The following ABCG1 variants were observed in gnomAD, a reference collection of about 807,000 sequenced individuals.
The protein encoded by ABCG1 is ATP binding cassette subfamily G member 1, also known as ATP-binding cassette sub-family G member 1.
A neutral mutation model predicts 69.2 loss-of-function variants in ABCG1; 29 were observed. The ratio of observed to expected loss-of-function variants is 0.42; its 90% CI spans 0.31 to 0.57. The LOEUF (loss-of-function observed/expected upper bound fraction) is 0.57, where lower values mean the gene tolerates loss of function less well. ABCG1 is among the 20% of genes least tolerant of loss of function. The probability of loss-of-function intolerance (pLI) is 0.15; values close to 1 mark genes in which losing one functional copy is unlikely to be tolerated. For synonymous variants in ABCG1, 370 were observed against 374.8 expected (o/e 0.99, Z 0.15); for missense variants, 718 against 898.1 (o/e 0.80, Z 2.56).
Position 42,220,371 on chromosome 21 carries a change from A to G in ABCG1, c.42+1067A>G, listed in dbSNP as rs56351536. 2.3e-3 allele frequency among the ~76,000 whole-genome samples: 352 copies of G among 152,078 alleles called. 2 individuals carry two copies. The highest frequency in any genetic ancestry group is 7.9e-3 in the African/African-American group (326 of 41,486). On this transcript the variant is annotated intron_variant, in intron 1 of 14. Transcript: ENST00000398449. ...TTAGCATCCTGTATTTGAAGTCAGC[A>G]GGGCTCAGCAGGATTTGACCGACAG... is the stretch of plus-strand genomic sequence containing the variant.
Position 42,271,201 on chromosome 21 carries a change from C to T in ABCG1, c.404+14C>T. The stretch of plus-strand genomic sequence containing the variant: ...GGCTGGATACAGGTGAGCAGCCCTG[C>T]CCAGGGCGCAAAGTTCTCTCCCGGG... On this transcript the variant is annotated intron_variant, in intron 3 of 14. Coordinates refer to ENST00000398449, the MANE Select transcript of ABCG1 (RefSeq NM_016818.3). 6.7e-7 allele frequency: 1 copy of T among 1,499,042 alleles called. No homozygotes were observed. The highest frequency in any genetic ancestry group is 8.9e-7 in the Non-Finnish European group (1 of 1,122,388). 92.9% of individuals were successfully genotyped at this position (1,499,042 alleles called of 1,614,324 possible). A position where few individuals can be genotyped will look rare whatever the true frequency, so the allele number is the denominator to read the frequency against.
Position 42,296,233 on chromosome 21 carries a change from C to T in ABCG1, c.1842C>T (p.Asp614=), listed in dbSNP as rs73364654. 371 of 1,614,118 alleles carry T rather than the reference C, an allele frequency of 2.3e-4. 1 individual carries two copies. In the African/African-American group the frequency reaches 4.1e-3, roughly 18 times the overall value. ...LDREDLHCDI[D]ETCHFQKSEA... The stretch of plus-strand genomic sequence containing the variant: ...GGGAAGATCTGCACTGTGACATCGA[C>T]GAGACGTGCCACTTCCAGAAGTCGG... The change falls in exon 15 of 15, where the codon GAC becomes GAT. Residue 614 remains aspartate (D), a synonymous_variant. Transcript: ENST00000398449. The surrounding 1 kb of genome is among the most constrained non-coding windows in gnomAD (Gnocchi z 5.4).
chr21:42,228,698 G>A (rs1431860835), intron 2 of ABCG1, among the ~76,000 whole-genome samples: 2 of 152,244 alleles, frequency 1.3e-5, no homozygotes, highest in African/African-American at 4.8e-5. Flanking sequence ...CAGCAGGGAA[G>A]CAGAGCTCTT....
In ABCG1 at chr21:42,288,124, A is replaced by G. The variant is rs1427139047; in HGVS notation, c.1122+87A>G. The G allele has an allele frequency of 1.9e-6, 3 of 1,612,012 alleles. No homozygotes were observed. The highest frequency in any genetic ancestry group is 2.5e-6 in the Non-Finnish European group (3 of 1,178,242). ...GGGGAGGCTGCACGTGGCACCGTGCACTGCTGCATGAGAGCTCTTTCCGAG... is the reference window on the plus strand; with the variant it reads ...GGGGAGGCTGCACGTGGCACCGTGCGCTGCTGCATGAGAGCTCTTTCCGAG... On this transcript the variant is annotated intron_variant, in intron 9 of 14. Coordinates refer to ENST00000398449, the MANE Select transcript of ABCG1 (RefSeq NM_016818.3). The surrounding 1 kb of genome is among the most constrained non-coding windows in gnomAD (Gnocchi z 4.8).
intron 2 of ABCG1, among the ~76,000 whole-genome samples, chr21:42,252,791 G>A (rs978321973): frequency 1.3e-5 from 2 of 152,114 alleles, no homozygotes; most frequent in Non-Finnish European, 2.9e-5. Flanking sequence ...GGCGTTTTAA[G>A]GTTTCCCCAC....
At chr21:42,200,791 G>A (rs985122312) in intron 1 of ABCG1, among the ~76,000 whole-genome samples, 21 of 152,056 alleles carry the variant, frequency 1.4e-4, no homozygotes, top group Admixed American at 1.3e-3. Context: ...GCTTCACCAT[G>A]TTGGCCAGGC....
chr21:42,294,358 G>A (rs563240634), intron 13 of ABCG1, among the ~76,000 whole-genome samples, 184 bp from the exon 14 acceptor site: 1 of 152,192 alleles, frequency 6.6e-6, no homozygotes, highest in Non-Finnish European at 1.5e-5. Flanking sequence ...CAGCCGGGGG[G>A]TCCTCAGAGA....
At chr21:42,241,728 T>C (rs2068054522) in intron 2 of ABCG1, among the ~76,000 whole-genome samples, 1 of 151,688 alleles carries the variant, frequency 6.6e-6, no homozygotes. Context: ...AGCTCACACC[T>C]GTAATTCCAG....
At chr21:42,277,157 G>C (rs2068726133) in intron 5 of ABCG1, among the ~76,000 whole-genome samples, 1 of 152,198 alleles carries the variant, frequency 6.6e-6, no homozygotes, top group African/African-American at 2.4e-5. Flanking sequence ...CACGCTCATG[G>C]CTTTGATTCT....
Position 42,285,869 on chromosome 21 carries a change from C to A in ABCG1, c.859-11C>A. 6.2e-7 allele frequency: 1 copy of A among 1,603,698 alleles called. No individual in the cohort carries two copies. The highest frequency in any genetic ancestry group is 8.5e-7 in the Non-Finnish European group (1 of 1,170,990). On this transcript the variant is annotated splice_polypyrimidine_tract_variant and intron_variant, in intron 7 of 14. Coordinates refer to ENST00000398449, the MANE Select transcript of ABCG1 (RefSeq NM_016818.3). ...AGGGCTTGATCCCTTTTTCTCCTTC[C>A]TTTTTTCCAGCTTTACGTCCTGAGT... is the stretch of plus-strand genomic sequence containing the variant.
intron 8 of ABCG1, 34 bp downstream of exon 8, chr21:42,286,028 AAG>A: frequency 2.0e-6 from 3 of 1,477,448 alleles, no homozygotes; most frequent in Non-Finnish European, 2.8e-6. Flanking sequence ...GGGGGACAGA[AAG>A]GGGATTTTCC....
chr21:42,278,999 G>A (rs1407892272), intron 5 of ABCG1, among the ~76,000 whole-genome samples: 1 of 152,248 alleles, frequency 6.6e-6, no homozygotes, highest in East Asian at 1.9e-4. Context: ...GACTCAAGAA[G>A]CTGCTCCTCC....
rs994406555 is a variant in ABCG1 at position 42,256,698 on chromosome 21, T to C, written c.287-14372T>C. The C allele has an allele frequency of 1.1e-5, 16 of 1,431,960 alleles. No individual in the cohort carries two copies. In the Admixed American group the frequency reaches 4.5e-4, roughly 40 times the overall value. The allele number at this position is 1,431,960 out of a possible 1,614,324, so 88.7% of individuals were successfully genotyped here. On this transcript the variant is annotated intron_variant, in intron 2 of 14. Transcript: ENST00000398449. ...CCCAGAGACTGATGGCTTCTCTGCA[T>C]TCAGAGGGATCTGGGAGCATTGCAG...
At chr21:42,259,705 T>A (rs368819036) in intron 2 of ABCG1, among the ~76,000 whole-genome samples, 11 of 152,358 alleles carry the variant, frequency 7.2e-5, no homozygotes, top group African/African-American at 2.2e-4. Context: ...ATCCACACAG[T>A]TACTCGGTGA....
intron 2 of ABCG1, among the ~76,000 whole-genome samples, chr21:42,234,784 A>C (rs2067952676): frequency 6.6e-6 from 1 of 151,948 alleles, no homozygotes; most frequent in Non-Finnish European, 1.5e-5. Flanking sequence ...CCCGGGAGAA[A>C]ACAGCGCTGC....
At chr21:42,281,199 A>G (rs924851978) in intron 5 of ABCG1, among the ~76,000 whole-genome samples, 2 of 152,126 alleles carry the variant, frequency 1.3e-5, no homozygotes, top group African/African-American at 4.8e-5. Flanking sequence ...CCTTCAGATG[A>G]CTTCATCTCC....
At chr21:42,274,561 G>A (rs555722371) in intron 4 of ABCG1, among the ~76,000 whole-genome samples, 3 of 142,976 alleles carry the variant, frequency 2.1e-5, no homozygotes, top group East Asian at 2.2e-4. Flanking sequence ...TGCAACCTCC[G>A]CCTCCCAGGT....
chr21:42,218,914 G>C (rs1281415601), upstream of ABCG1, among the ~76,000 whole-genome samples: 6 of 152,176 alleles, frequency 3.9e-5, no homozygotes, highest in African/African-American at 1.4e-4. Flanking sequence ...GCGAGTTCGG[G>C]ACCCGGGGTT....
At chr21:42,200,400 T>G (rs2067496983) in intron 1 of ABCG1, among the ~76,000 whole-genome samples, 1 of 152,170 alleles carries the variant, frequency 6.6e-6, no homozygotes. Context: ...TGATCAAGTG[T>G]TGGGCATGAA....
Sources: gnomAD v4.1 joint callset for allele counts (sites outside exome capture counted in the v4.1 genomes callset) on GRCh38, gnomAD v4.1.1 for gene constraint, Gnocchi (gnomAD v3.1) non-coding constraint, MANE v1.5 for transcripts, NCBI Gene and HGNC (gene_info 2026-07-23, HGNC 2026-07-21) for gene names.